Variants in SYNE3 observed in about 807,000 individuals in gnomAD.
The protein encoded by SYNE3 is spectrin repeat containing nuclear envelope family member 3, also known as nesprin-3.
A neutral mutation model predicts 111.2 loss-of-function variants in SYNE3; 100 were observed. The observed-to-expected ratio is 0.90, with a 90% CI of 0.77 to 1.06. The LOEUF (loss-of-function observed/expected upper bound fraction) is 1.06. SYNE3 is among the 50% of genes least tolerant of loss of function. The pLI is 0.00. For synonymous variants in SYNE3, 547 were observed against 533.9 expected, an observed-to-expected ratio of 1.02 and a Z score of -0.34; for missense variants, 1,160 against 1,240.3, an observed-to-expected ratio of 0.94 and a Z score of 0.97.
chr14:95,460,736 C>T (rs1175319866), intron 4 of SYNE3, among the ~76,000 whole-genome samples: 3 of 152,246 alleles, frequency 2.0e-5, no homozygotes, highest in South Asian at 2.1e-4. Context: ...TATTTAAATC[C>T]GTCAAAACTC....
At chr14:95,468,612 A>G (rs1210889094) in intron 2 of SYNE3, among the ~76,000 whole-genome samples, 1 of 152,036 alleles carries the variant, frequency 6.6e-6, no homozygotes, top group Non-Finnish European at 1.5e-5. Flanking sequence ...CTTAGAACCC[A>G]CAGCTGTCTG....
intron 8 of SYNE3, among the ~76,000 whole-genome samples, chr14:95,448,922 C>G (rs1218521259): frequency 1.3e-5 from 2 of 152,180 alleles, no homozygotes; most frequent in Non-Finnish European, 2.9e-5. Context: ...ATAATGGGAG[C>G]TTTTTGTTTT....
intron 4 of SYNE3, among the ~76,000 whole-genome samples, chr14:95,464,396 C>A (rs1888030759): frequency 6.6e-6 from 1 of 152,132 alleles, no homozygotes; most frequent in Non-Finnish European, 1.5e-5. Flanking sequence ...ACAGAGACCA[C>A]TGCAAAAAGA....
rs1308262905 is a variant in SYNE3, at chr14:95,511,493, G to A, written c.-15+5103C>T. Among the ~76,000 whole-genome samples, 10 of 152,220 alleles carry A rather than the reference G, an allele frequency of 6.6e-5. No individual in the cohort carries two copies. In the East Asian group the frequency reaches 1.9e-3, roughly 29 times the overall value. The stretch of plus-strand genomic sequence containing the variant: ...AGGTGGGTGGATCACGAGGTCAGGA[G>A]ATTGAGACCATCCTGGCCAACAAGG... On this transcript the variant is annotated intron_variant, in intron 1 of 17. Transcript: ENST00000682763.
rs1890294097 is a variant in SYNE3 at position 95,500,448 on chromosome 14, A to T, written c.-15+16148T>A. Among the ~76,000 whole-genome samples, 1 of 152,176 alleles carries T rather than the reference A, an allele frequency of 6.6e-6. No individual in the cohort carries two copies. Among genetic ancestry groups the T allele is most frequent in the Admixed American group, 6.5e-5 (1 of 15,282 alleles). On this transcript the variant is annotated intron_variant, in intron 1 of 17. Transcript: ENST00000682763. This position sits in a 1 kb window ranked among gnomAD's most constrained non-coding sequence, Gnocchi z 4.7. The stretch of plus-strand genomic sequence containing the variant: ...TTGCAGACGCGTAGGTGTCCTCTTG[A>T]GTCCCCAGACCTCAGCACCAGCGGC...
At chr14:95,477,678 C>T (rs532358563) in intron 1 of SYNE3, among the ~76,000 whole-genome samples, 2 of 152,228 alleles carry the variant, frequency 1.3e-5, no homozygotes, top group East Asian at 1.9e-4. Flanking sequence ...GGCGACGTAG[C>T]GGGCTGTGCT....
At chr14:95,471,386 A>G (rs994431508) in intron 2 of SYNE3, among the ~76,000 whole-genome samples, 1 of 152,212 alleles carries the variant, frequency 6.6e-6, no homozygotes, top group Non-Finnish European at 1.5e-5. Context: ...CTCATGAAAG[A>G]GGCACAGGCT....
chr14:95,446,892 C>T (rs11847270), intron 8 of SYNE3, among the ~76,000 whole-genome samples: 276 of 152,318 alleles, frequency 1.8e-3, no homozygotes, highest in African/African-American at 5.5e-3. Context: ...AACCAAGCCT[C>T]CGACTCCTGT....
At chr14:95,475,936 C>T (rs1566678776) in intron 1 of SYNE3, 101 bp from the exon 2 acceptor site, 1 of 1,203,626 alleles carries the variant, frequency 8.3e-7, no homozygotes, top group Non-Finnish European at 1.1e-6. Flanking sequence ...CCACCACCAA[C>T]CCTCCCCTGG....
chr14:95,468,168 G>A (rs554625262), intron 2 of SYNE3, among the ~76,000 whole-genome samples: 385 of 152,330 alleles, frequency 2.5e-3, no homozygotes, highest in African/African-American at 4.0e-3. Context: ...GAGCAAAGGC[G>A]ATTAGCATGC....
At chr14:95,460,636 A>G (rs767949976) in intron 4 of SYNE3, among the ~76,000 whole-genome samples, 7 of 152,186 alleles carry the variant, frequency 4.6e-5, no homozygotes, top group Non-Finnish European at 8.8e-5. Flanking sequence ...AAGCGAGGGG[A>G]CAGTCCCCTT....
At position 95,466,043 on chromosome 14, in the gene SYNE3, C is replaced by G. The variant is rs372316132; in HGVS notation, c.515G>C (p.Arg172Pro). ...NVDNQAVLLD[R>P]LLEEAASLFN... Reference sequence around the variant, plus strand: ...CAGGGAGGCTGCCTCCTCCAGCAGCCGGTCCAGGAGCACCGCCTGGTTGTC... The same window carrying G: ...CAGGGAGGCTGCCTCCTCCAGCAGCGGGTCCAGGAGCACCGCCTGGTTGTC... Residue 172 changes from arginine to proline, a missense_variant, in exon 4 of 18, where the codon CGG becomes CCG. By Grantham distance (103) the Arg-to-Pro change is moderately radical. Coordinates refer to ENST00000682763, the MANE Select transcript of SYNE3 (RefSeq NM_152592.6). The G allele has an allele frequency of 6.2e-7, 1 of 1,612,752 alleles. No homozygotes were observed. The highest frequency in any genetic ancestry group is 1.1e-5 in the South Asian group (1 of 91,056).
At chr14:95,467,442 G>A (rs556167658) in intron 3 of SYNE3, among the ~76,000 whole-genome samples, 5 of 152,208 alleles carry the variant, frequency 3.3e-5, no homozygotes, top group East Asian at 1.9e-4. Context: ...CCCCTGTCCC[G>A]GCCAACCACC....
At chr14:95,473,035 G>T (rs1888628191) in intron 2 of SYNE3, among the ~76,000 whole-genome samples, 1 of 152,228 alleles carries the variant, frequency 6.6e-6, no homozygotes. Context: ...CAGGTCCCAT[G>T]GGTAGGTCGA....
At position 95,439,100 on chromosome 14, in the gene SYNE3, G is replaced by A. The variant is rs1304682308; in HGVS notation, c.2309C>T (p.Thr770Ile). 3 of 1,614,270 alleles carry A rather than the reference G, an allele frequency of 1.9e-6. No homozygotes were observed. The Admixed American group carries it at 5.0e-5, about 27-fold the overall frequency. ...AAATCCTGACTTTGGGATGTTGTTG[G>A]TGAAAACCATTTTCTTCCCCGAATC... ...EVDSGKKMVF[T>I]NNIPKSGFLI... Residue 770 changes from threonine to isoleucine, a missense_variant, in exon 14 of 18, where the codon ACC becomes ATC. Physicochemically the swap from Thr to Ile is moderately conservative, Grantham distance 89 (BLOSUM62 -1). Transcript: ENST00000682763.
At chr14:95,505,651 T>TC (rs1304812101) in intron 1 of SYNE3, among the ~76,000 whole-genome samples, 1 of 152,210 alleles carries the variant, frequency 6.6e-6, no homozygotes, top group African/African-American at 2.4e-5. Flanking sequence ...GTTTTTTTTT[T>TC]CTTTTTACCT....
intron 4 of SYNE3, among the ~76,000 whole-genome samples, chr14:95,463,225 G>C (rs1887950710): frequency 6.6e-6 from 1 of 152,160 alleles, no homozygotes; most frequent in Admixed American, 6.5e-5. Context: ...GAGCAGATGA[G>C]GTCAGAGACA....
intron 17 of SYNE3, among the ~76,000 whole-genome samples, chr14:95,420,731 C>A (rs1371777684): frequency 6.6e-6 from 1 of 150,778 alleles, no homozygotes; most frequent in Non-Finnish European, 1.5e-5. Context: ...CACACACATA[C>A]ACACACACAC....
At chr14:95,449,505 C>G in intron 8 of SYNE3, 1 of 985,474 alleles carries the variant, frequency 1.0e-6, no homozygotes. Flanking sequence ...CTTAGAACTA[C>G]AAAGGGCTTG....
Sources: allele counts gnomAD v4.1 joint callset (sites outside exome capture counted in the v4.1 genomes callset), GRCh38; gene constraint gnomAD v4.1.1; non-coding constraint Gnocchi (gnomAD v3.1); transcripts MANE v1.5; gene names NCBI Gene and HGNC (gene_info 2026-07-23, HGNC 2026-07-21).